TMCC3: variants seen among roughly 807,000 people sequenced by gnomAD.
TMCC3 encodes transmembrane and coiled-coil domain protein 3.
Under a neutral mutation model 40.2 loss-of-function variants are expected in TMCC3, and 28 were observed. That is an observed-to-expected ratio of 0.70 (90% CI 0.52 to 0.95). The LOEUF is 0.95. TMCC3 is among the 40% of genes least tolerant of loss of function. The pLI, the probability that TMCC3 is intolerant of heterozygous loss-of-function variation, is 0.00. For missense variants in TMCC3, 554 were observed against 615.2 expected (o/e 0.90, Z 1.05); for synonymous variants, 255 against 248.5 (o/e 1.03, Z -0.25).
chr12:94,612,347 T>C (rs1447047655), intron 1 of TMCC3, among the ~76,000 whole-genome samples: 1 of 150,872 alleles, frequency 6.6e-6, no homozygotes, highest in Non-Finnish European at 1.5e-5. Flanking sequence ...AGTCTCGCTC[T>C]GTCACCAGGC....
intron 1 of TMCC3, among the ~76,000 whole-genome samples, chr12:94,641,571 G>A (rs1426710761): frequency 6.6e-6 from 1 of 152,196 alleles, no homozygotes. Flanking sequence ...TTCCCCTAGT[G>A]TTGGAGCAGA....
intron 3 of TMCC3, among the ~76,000 whole-genome samples, chr12:94,577,175 T>TATTA (rs1036912547): frequency 1.3e-5 from 2 of 152,114 alleles, no homozygotes; most frequent in African/African-American, 2.4e-5. Flanking sequence ...CGAATGCTAT[T>TATTA]ATTAATTAAT....
chr12:94,622,820 TAAA>T (rs35944737), intron 1 of TMCC3, among the ~76,000 whole-genome samples: 4 of 144,438 alleles, frequency 2.8e-5, no homozygotes, highest in Middle Eastern at 3.3e-3. Context: ...AGCTCTTTCT[TAAA>T]AAAAAAAAAA....
intron 1 of TMCC3, among the ~76,000 whole-genome samples, chr12:94,599,787 C>T (rs2068741647): frequency 6.6e-6 from 1 of 152,154 alleles, no homozygotes; most frequent in Admixed American, 6.6e-5. Context: ...TAACGTTTTC[C>T]ACCTCCAAGT....
intron 1 of TMCC3, among the ~76,000 whole-genome samples, chr12:94,605,007 G>GT (rs1831996572): frequency 6.6e-6 from 1 of 152,074 alleles, no homozygotes; most frequent in South Asian, 2.1e-4. Context: ...AAAAGTTGGA[G>GT]TGTCTAAAAT....
intron 1 of TMCC3, among the ~76,000 whole-genome samples, chr12:94,638,847 G>A (rs2068974488): frequency 6.6e-6 from 1 of 152,212 alleles, no homozygotes; most frequent in Non-Finnish European, 1.5e-5. Flanking sequence ...ATATTTAGGT[G>A]CTGAAGCACA....
At chr12:94,611,743 T>C (rs1283422479) in intron 1 of TMCC3, among the ~76,000 whole-genome samples, 9 of 148,672 alleles carry the variant, frequency 6.1e-5, no homozygotes, top group Non-Finnish European at 1.3e-4. Flanking sequence ...TGCTTGTAAA[T>C]AGTTGTATTT....
chr12:94,615,727 C>T (rs1227998053), intron 1 of TMCC3, among the ~76,000 whole-genome samples: 2 of 152,100 alleles, frequency 1.3e-5, no homozygotes, highest in South Asian at 2.1e-4. Context: ...GTTCATTAGG[C>T]GTTTAGGCAG....
At chr12:94,584,363 G>A (rs1020175368) in intron 1 of TMCC3, among the ~76,000 whole-genome samples, 4 of 152,038 alleles carry the variant, frequency 2.6e-5, no homozygotes, top group Admixed American at 6.6e-5. Flanking sequence ...AAAGCTCCCC[G>A]CAGCCTCCCC....
intron 1 of TMCC3, among the ~76,000 whole-genome samples, chr12:94,619,058 T>A (rs1809851668): frequency 6.6e-6 from 1 of 152,222 alleles, no homozygotes; most frequent in African/African-American, 2.4e-5. Context: ...GTGCAGAGTC[T>A]CAGGGAGAGA....
chr12:94,626,360 C>T (rs2068904130), intron 1 of TMCC3, among the ~76,000 whole-genome samples: 1 of 152,178 alleles, frequency 6.6e-6, no homozygotes, highest in African/African-American at 2.4e-5. Flanking sequence ...TTCAAACAAA[C>T]ATTTTTCACA....
At chr12:94,628,998 A>C (rs1424704600) in intron 1 of TMCC3, among the ~76,000 whole-genome samples, 3 of 152,200 alleles carry the variant, frequency 2.0e-5, no homozygotes, top group Admixed American at 6.5e-5. Flanking sequence ...GTTCCACTAT[A>C]AAAACCTGCT....
Position 94,582,168 on chromosome 12 carries a change from C to A in TMCC3, c.449G>T (p.Arg150Met), listed in dbSNP as rs1197468805. The A allele has an allele frequency of 1.2e-6, 2 of 1,613,986 alleles. No individual in the cohort carries two copies. Among genetic ancestry groups the A allele is most frequent in the Admixed American group, 3.3e-5 (2 of 59,990 alleles). ...LREIEQNGAS[R>M]SSKDISKDHL... ...GTCTTTGGAAATGTCCTTTGAGCTC[C>A]TAGAGGCTCCATTCTGCTCGATCTC... Residue 150 changes from arginine to methionine, a missense_variant, in exon 2 of 4, where the codon AGG becomes ATG. Coordinates refer to ENST00000261226, the MANE Select transcript of TMCC3 (RefSeq NM_020698.4).
intron 1 of TMCC3, among the ~76,000 whole-genome samples, chr12:94,587,681 T>C (rs1432263064): frequency 6.6e-6 from 1 of 152,240 alleles, no homozygotes; most frequent in Non-Finnish European, 1.5e-5. Flanking sequence ...ATCATTCCAA[T>C]TTCATTCTAA....
At chr12:94,571,801 C>T (rs1424144026) in intron 3 of TMCC3, 64 bp from the exon 4 acceptor site, 35 of 1,552,608 alleles carry the variant, frequency 2.3e-5, no homozygotes, top group South Asian at 6.0e-5. Flanking sequence ...CGTGAGTGCT[C>T]GCTCAGCTGT....
intron 1 of TMCC3, among the ~76,000 whole-genome samples, chr12:94,615,116 A>G (rs971720544): frequency 8.5e-5 from 13 of 152,214 alleles, no homozygotes; most frequent in African/African-American, 2.9e-4. Context: ...ACCTGAATTA[A>G]TAAATGTGTG....
At chr12:94,573,292 G>A (rs914003227) in intron 3 of TMCC3, among the ~76,000 whole-genome samples, 8 of 152,030 alleles carry the variant, frequency 5.3e-5, no homozygotes, top group African/African-American at 1.5e-4. Context: ...CTCTCCACCC[G>A]GTCAGCACCC....
intron 1 of TMCC3, among the ~76,000 whole-genome samples, chr12:94,605,040 T>G (rs972071621): frequency 2.6e-4 from 40 of 152,194 alleles, no homozygotes; most frequent in African/African-American, 9.6e-4. Flanking sequence ...AATGGGTCAT[T>G]CTAAATCAAG....
rs369763972 is a variant in TMCC3, at chr12:94,581,645, C to T, written c.972G>A (p.Gln324=). Residue 324 remains glutamine (Q), a synonymous_variant, in exon 2 of 4, where the codon CAG becomes CAA. Transcript: ENST00000261226. The part of the protein sequence containing the change: ...QFKREYGFIS[Q]TLQEERYRYE... ...ACCTGTATCTTTCCTCTTGCAGGGTCTGAGAAATAAAACCATATTCTCTCT... is the reference window on the plus strand; with the variant it reads ...ACCTGTATCTTTCCTCTTGCAGGGTTTGAGAAATAAAACCATATTCTCTCT... 6.3e-7 allele frequency: 1 copy of T among 1,586,566 alleles called. No homozygotes were observed. The highest frequency in any genetic ancestry group is 8.6e-7 in the Non-Finnish European group (1 of 1,160,958).
Sources: allele counts gnomAD v4.1 joint callset (sites outside exome capture counted in the v4.1 genomes callset), GRCh38; gene constraint gnomAD v4.1.1; transcripts MANE v1.5; gene names NCBI Gene and HGNC (gene_info 2026-07-23, HGNC 2026-07-21).